TPGS1: variants seen among roughly 807,000 people sequenced by gnomAD.
The protein encoded by TPGS1 is gene trap ROSA b-geo 22.
A neutral mutation model predicts 11.9 loss-of-function variants in TPGS1; 18 were observed. The observed-to-expected ratio is 1.51, with a 90% CI of 1.04 to 2.24. The LOEUF is 2.24. Among genes scored for constraint, TPGS1 ranks in the 30% most tolerant of loss-of-function variants. The probability of loss-of-function intolerance (pLI) is 0.00; values close to 1 mark genes in which losing one functional copy is unlikely to be tolerated. For missense variants in TPGS1, 500 were observed against 443.0 expected (o/e 1.13, Z -1.16); for synonymous variants, 247 against 218.2 (o/e 1.13, Z -1.16).
chr19:518,792 G>A (rs1457866741), intron 1 of TPGS1, 97 bp from the exon 2 acceptor site: 72 of 1,320,136 alleles, frequency 5.5e-5, no homozygotes, highest in Non-Finnish European at 1.2e-5. Flanking sequence ...CTGGCTGGGG[G>A]GTCGGGGAGG....
chr19:518,820 C>A, intron 1 of TPGS1, 69 bp from the exon 2 acceptor site: 2 of 1,360,268 alleles, frequency 1.5e-6, no homozygotes, highest in Non-Finnish European at 9.4e-7. Flanking sequence ...ATAGGCCTGG[C>A]GAGGAGGGGA....
chr19:515,989 G>A (rs1281171308), intron 1 of TPGS1, among the ~76,000 whole-genome samples: 10 of 147,914 alleles, frequency 6.8e-5, no homozygotes, highest in South Asian at 2.2e-4. Context: ...CCGAGATCCC[G>A]CCACTGCACT....
In TPGS1 at chr19:519,018, C is replaced by T. The variant is rs145134429; in HGVS notation, c.468C>T (p.Ala156=). Residue 156 remains alanine (A), a synonymous_variant, in exon 2 of 2, where the codon GCC becomes GCT. Coordinates refer to ENST00000359315, the MANE Select transcript of TPGS1 (RefSeq NM_033513.3). ...GGCGCATCTGCCGGGACGGCCAAGC[C>T]CCCGAGGAGGTGGTGGCGCCGCTGC... ...LLRRICRDGQ[A]PEEVVAPLLR... 22,596 of 1,563,124 alleles carry T rather than the reference C, an allele frequency of 0.014. 222 individuals are homozygous for T. The highest frequency in any genetic ancestry group is 0.049 in the Middle Eastern group (294 of 5,986).
chr19:507,588 G>A lies in TPGS1; in HGVS notation c.82G>A (p.Ala28Thr), dbSNP rs1288844826. 2 of 1,398,980 alleles carry A rather than the reference G, an allele frequency of 1.4e-6. No individual in the cohort carries two copies. The highest frequency in any genetic ancestry group is 2.9e-5 in the East Asian group (1 of 34,038). The allele number at this position is 1,398,980 out of a possible 1,614,324, so 86.7% of individuals were successfully genotyped here. A position where few individuals can be genotyped will look rare whatever the true frequency, so the allele number is the denominator to read the frequency against. ...TDSGRQSVSRAAGAAESEEDF... is the reference protein window; with the variant it reads ...TDSGRQSVSRTAGAAESEEDF... ...CAGCGGCCGCCAGTCGGTATCCCGG[G>A]CGGCGGGGGCGGCCGAGAGCGAGGA... Residue 28 changes from alanine (A) to threonine (T), a missense_variant, in exon 1 of 2, where the codon GCG (alanine) becomes ACG (threonine). Transcript: ENST00000359315.
chr19:507,663 C>A lies in TPGS1; in HGVS notation c.157C>A (p.Leu53Met). Residue 53 changes from leucine to methionine, a missense_variant, in exon 1 of 2, where the codon CTG (leucine) becomes ATG (methionine). Leu to Met is a conservative substitution (Grantham distance 15). Coordinates refer to ENST00000359315, the MANE Select transcript of TPGS1 (RefSeq NM_033513.3). ...GACGGAAATGCTACGTGCGGCCCTG[C>A]TGAAGGTGCTGGAGGCGCGGCCCGA... ...GVTEMLRAAL[L>M]KVLEARPEEP... 1 of 1,386,574 alleles carries A rather than the reference C, an allele frequency of 7.2e-7. No individual in the cohort carries two copies. Among genetic ancestry groups the A allele is most frequent in the South Asian group, 1.6e-5 (1 of 64,000 alleles). 85.9% of individuals were successfully genotyped at this position (1,386,574 alleles called of 1,614,324 possible).
intron 1 of TPGS1, among the ~76,000 whole-genome samples, chr19:512,207 A>C (rs1156717434): frequency 2.0e-5 from 3 of 151,986 alleles, no homozygotes; most frequent in African/African-American, 7.3e-5. Context: ...GCTGTCACGC[A>C]GCCTGCAGTG....
intron 1 of TPGS1, among the ~76,000 whole-genome samples, chr19:515,596 G>A (rs1346998585): frequency 1.3e-5 from 2 of 150,418 alleles, no homozygotes; most frequent in African/African-American, 4.9e-5. Flanking sequence ...AAATTAGCTG[G>A]GTGTGGTAAC....
At chr19:508,021 C>CT (rs1978678549) in intron 1 of TPGS1, 177 bp downstream of exon 1, 1 of 474,328 alleles carries the variant, frequency 2.1e-6, no homozygotes, top group Non-Finnish European at 3.4e-6. Flanking sequence ...AGGGTCCGGG[C>CT]TTCGGTCCGG....
At position 519,094 on chromosome 19, in the gene TPGS1, C is replaced by T; in HGVS notation, c.544C>T (p.Arg182Cys). The T allele has an allele frequency of 6.5e-7, 1 of 1,531,798 alleles. No homozygotes were observed. Among genetic ancestry groups the T allele is most frequent in the Non-Finnish European group, 8.7e-7 (1 of 1,145,250 alleles). 94.9% of individuals were successfully genotyped at this position (1,531,798 alleles called of 1,614,324 possible). A position where few individuals can be genotyped will look rare whatever the true frequency, so the allele number is the denominator to read the frequency against. The part of the protein sequence containing the change: ...DHEAVPLSVF[R>C]AGTLTCFVLL... ...CGAGGCGGTGCCGCTGAGCGTCTTC[C>T]GCGCGGGCACACTCACCTGCTTCGT... The change falls in exon 2 of 2, where the codon CGC becomes TGC. Residue 182 changes from arginine to cysteine, a missense_variant. By Grantham distance (180) the Arg-to-Cys change is radical. Transcript: ENST00000359315.
At position 513,703 on chromosome 19, in the gene TPGS1, A is replaced by T. The variant is rs79023648; in HGVS notation, c.339-5186A>T. Among the ~76,000 whole-genome samples the T allele has an allele frequency of 1.6e-3, 116 of 72,776 alleles. 1 individual carries two copies. The highest frequency in any genetic ancestry group is 4.0e-3 in the African/African-American group (66 of 16,630). 47.7% of individuals were successfully genotyped at this position (72,776 alleles called of 152,430 possible). ...CTGAGTACCTACTGCACACCAGCCC[A>T]GCATTACTGAGTACCTACTGCACAC... On this transcript the variant is annotated intron_variant, in intron 1 of 1. Transcript: ENST00000359315.
At chr19:514,858 C>T (rs10411753) in intron 1 of TPGS1, among the ~76,000 whole-genome samples, 27,960 of 152,146 alleles carry the variant, frequency 0.18, 2,892 homozygotes, top group East Asian at 0.36. Flanking sequence ...GGTCCTGCAG[C>T]GGCCCCCACG....
chr19:512,312 C>A (rs1360029794), intron 1 of TPGS1, among the ~76,000 whole-genome samples: 1 of 152,158 alleles, frequency 6.6e-6, no homozygotes, highest in Non-Finnish European at 1.5e-5. Context: ...CACAGACGCA[C>A]GTCACCACAC....
chr19:518,855 T>C (rs1979052677), intron 1 of TPGS1, 34 bp from the exon 2 acceptor site: 4 of 1,472,006 alleles, frequency 2.7e-6, no homozygotes, highest in African/African-American at 2.9e-5. Context: ...GGGCGCGCGG[T>C]CTCTGCCGGC....
Position 510,698 on chromosome 19 carries a change from GCC to G in TPGS1, c.338+2857_338+2858del, listed in dbSNP as rs553284267. Reference sequence around the variant, plus strand: ...CCGAGGGCAGAGCTGGGGTCAGAGAGCCCCAGAGTGCAGCCCCGGAGGCCTCC... The same window carrying G: ...CCGAGGGCAGAGCTGGGGTCAGAGAGCCAGAGTGCAGCCCCGGAGGCCTCC... On this transcript the variant is annotated intron_variant, in intron 1 of 1. Transcript: ENST00000359315. 1.7e-3 allele frequency among the ~76,000 whole-genome samples: 257 copies of G among 152,332 alleles called. 2 individuals are homozygous for G. The highest frequency in any genetic ancestry group is 5.7e-3 in the African/African-American group (237 of 41,576).
At position 519,540 on chromosome 19, in the gene TPGS1, G is replaced by C; in HGVS notation, c.*117G>C. ...CCATAACCAGGCGCCCAGCCCTGCG[G>C]AGGAGGCCGGGGCTCCCAGGAAGCG... On this transcript the variant is annotated 3_prime_UTR_variant, in exon 2 of 2. Coordinates refer to ENST00000359315, the MANE Select transcript of TPGS1 (RefSeq NM_033513.3). 1 of 997,740 alleles carries C rather than the reference G, an allele frequency of 1.0e-6. No homozygotes were observed. Among genetic ancestry groups the C allele is most frequent in the Non-Finnish European group, 1.3e-6 (1 of 795,716 alleles). 61.8% of individuals were successfully genotyped at this position (997,740 alleles called of 1,614,324 possible).
chr19:516,182 G>C (rs1315098904), intron 1 of TPGS1, among the ~76,000 whole-genome samples: 1 of 152,242 alleles, frequency 6.6e-6, no homozygotes, highest in African/African-American at 2.4e-5. Flanking sequence ...GTGGGACAAA[G>C]AGTGGAGAGA....
intron 1 of TPGS1, among the ~76,000 whole-genome samples, chr19:515,412 A>G (rs143459246): frequency 0.01 from 1,591 of 151,730 alleles, 21 homozygotes; most frequent in African/African-American, 0.036. Context: ...AAAAAAAAAA[A>G]AAAAGAAAAA....
chr19:507,670 T>A lies in TPGS1; in HGVS notation c.164T>A (p.Val55Glu). ...ATGCTACGTGCGGCCCTGCTGAAGG[T>A]GCTGGAGGCGCGGCCCGAGGAGCCG... is the stretch of plus-strand genomic sequence containing the variant. ...TEMLRAALLK[V>E]LEARPEEPIA... Residue 55 changes from valine to glutamate, a missense_variant, in exon 1 of 2, where the codon GTG becomes GAG. By Grantham distance (121) the Val-to-Glu change is moderately radical. Coordinates refer to ENST00000359315, the MANE Select transcript of TPGS1 (RefSeq NM_033513.3). 7.2e-7 allele frequency: 1 copy of A among 1,385,372 alleles called. No individual in the cohort carries two copies. Among genetic ancestry groups the A allele is most frequent in the Non-Finnish European group, 9.4e-7 (1 of 1,058,286 alleles). 85.8% of individuals were successfully genotyped at this position (1,385,372 alleles called of 1,614,324 possible). A position where few individuals can be genotyped will look rare whatever the true frequency, so the allele number is the denominator to read the frequency against.
At chr19:512,865 C>G (rs1328683729) in intron 1 of TPGS1, among the ~76,000 whole-genome samples, 2 of 152,218 alleles carry the variant, frequency 1.3e-5, no homozygotes, top group Admixed American at 6.5e-5. Flanking sequence ...GGGTTGCTGG[C>G]TCGGCTGGGC....
Sources: gnomAD v4.1 joint callset for allele counts (sites outside exome capture counted in the v4.1 genomes callset) on GRCh38, gnomAD v4.1.1 for gene constraint, MANE v1.5 for transcripts, NCBI Gene and HGNC (gene_info 2026-07-23, HGNC 2026-07-21) for gene names.